GABBR2: variants seen among roughly 807,000 people sequenced by gnomAD.
The protein encoded by GABBR2 is gamma-aminobutyric acid type B receptor subunit 2, also known as G-protein coupled receptor 51.
In GABBR2, 23 loss-of-function variants were observed where a neutral mutation model predicts 105.6. The ratio of observed to expected loss-of-function variants is 0.22; its 90% confidence interval spans 0.16 to 0.31. GABBR2 has a LOEUF of 0.31. GABBR2 is among the 10% of genes least tolerant of loss of function. GABBR2 has a pLI of 1.00. For missense variants in GABBR2, 734 were observed against 1,245.5 expected (o/e 0.59, Z 6.18); for synonymous variants, 478 against 499.7 (o/e 0.96, Z 0.58).
At chr9:98,447,440 T>A (rs78945021) in intron 7 of GABBR2, among the ~76,000 whole-genome samples, 13,197 of 151,862 alleles carry the variant, frequency 0.087, 716 homozygotes, top group South Asian at 0.23. Context: ...GGCCTGAAGT[T>A]TAGTCTCTAC....
At chr9:98,559,174 G>C (rs1172222968) in intron 2 of GABBR2, among the ~76,000 whole-genome samples, 2 of 151,928 alleles carry the variant, frequency 1.3e-5, no homozygotes, top group African/African-American at 4.8e-5. Flanking sequence ...CTGTTGCCCA[G>C]GCTGAAGTGC....
chr9:98,556,581 C>G lies in GABBR2; in HGVS notation c.460-14538G>C, dbSNP rs533246668. Among the ~76,000 whole-genome samples, 60 of 152,220 alleles carry G rather than the reference C, an allele frequency of 3.9e-4. 2 individuals are homozygous for G. The South Asian group carries it at 0.012, about 31-fold the overall frequency. ...AGTGGCTGGGGCGGGGCTGGGGTTG[C>G]GCATGGGCAAGAGCACCCGGAAGTG... is the stretch of plus-strand genomic sequence containing the variant. On this transcript the variant is annotated intron_variant, in intron 2 of 18. Coordinates refer to ENST00000259455, the MANE Select transcript of GABBR2 (RefSeq NM_005458.8).
At chr9:98,481,153 C>A (rs113399474) in intron 4 of GABBR2, among the ~76,000 whole-genome samples, 156 bp from the exon 5 acceptor site, 4 of 152,304 alleles carry the variant, frequency 2.6e-5, no homozygotes, top group African/African-American at 9.6e-5. Context: ...CCAACCCCAG[C>A]CCAGCCTGGA....
rs191970460 is a variant in GABBR2 at position 98,596,952 on chromosome 9, G to A, written c.322-18880C>T. On this transcript the variant is annotated intron_variant, in intron 1 of 18. Coordinates refer to ENST00000259455, the MANE Select transcript of GABBR2 (RefSeq NM_005458.8). ...AGGCAAGCACTGAGGGAGGCCAGGC[G>A]ACTACCTCGAAGCTTTGCATGAAAC... Among the ~76,000 whole-genome samples, 320 of 152,208 alleles carry A rather than the reference G, an allele frequency of 2.1e-3. 1 individual carries two copies. The highest frequency in any genetic ancestry group is 3.4e-3 in the Non-Finnish European group (234 of 67,998).
At chr9:98,566,833 A>G (rs1420696224) in intron 2 of GABBR2, among the ~76,000 whole-genome samples, 1 of 151,524 alleles carries the variant, frequency 6.6e-6, no homozygotes, top group African/African-American at 2.4e-5. Flanking sequence ...GCGACAAAGA[A>G]AAAGAAATAA....
intron 11 of GABBR2, among the ~76,000 whole-genome samples, chr9:98,385,207 A>G (rs1832049792): frequency 6.6e-6 from 1 of 152,094 alleles, no homozygotes; most frequent in Non-Finnish European, 1.5e-5. Context: ...TGGTAAGTCC[A>G]GTATCTTTAT....
At chr9:98,380,329 C>T (rs1199538915) in intron 11 of GABBR2, among the ~76,000 whole-genome samples, 1 of 152,220 alleles carries the variant, frequency 6.6e-6, no homozygotes, top group Admixed American at 6.5e-5. Flanking sequence ...CTAAGGTCCG[C>T]CTGGAGCCTC....
chr9:98,335,502 C>T (rs1831097773), intron 13 of GABBR2, among the ~76,000 whole-genome samples: 1 of 152,176 alleles, frequency 6.6e-6, no homozygotes, highest in Non-Finnish European at 1.5e-5. Flanking sequence ...CACACCAGAA[C>T]CCATGGCAAC....
chr9:98,608,022 C>T (rs1829454122), intron 1 of GABBR2: 9 of 1,294,708 alleles, frequency 7.0e-6, no homozygotes, highest in Middle Eastern at 1.8e-4. Flanking sequence ...AGAGGAAAAA[C>T]GTCATCAGTT....
chr9:98,422,867 T>A (rs1399294006), intron 7 of GABBR2, among the ~76,000 whole-genome samples: 4 of 150,830 alleles, frequency 2.7e-5, no homozygotes, highest in Non-Finnish European at 5.9e-5. Flanking sequence ...CGGTGTTTGG[T>A]TTTTTGTCCT....
At chr9:98,651,901 T>G (rs1830113034) in intron 1 of GABBR2, among the ~76,000 whole-genome samples, 1 of 152,194 alleles carries the variant, frequency 6.6e-6, no homozygotes, top group African/African-American at 2.4e-5. Context: ...TTAAAAGGTG[T>G]GATCATGGTT....
At chr9:98,413,192 T>A (rs1366736232) in intron 7 of GABBR2, among the ~76,000 whole-genome samples, 1 of 152,122 alleles carries the variant, frequency 6.6e-6, no homozygotes, top group Non-Finnish European at 1.5e-5. Flanking sequence ...GTGTGAGGGA[T>A]CCAAGCCCAT....
At chr9:98,648,094 T>TGA (rs1291220240) in intron 1 of GABBR2, among the ~76,000 whole-genome samples, 1 of 85,234 alleles carries the variant, frequency 1.2e-5, no homozygotes, top group Admixed American at 1.3e-4. Flanking sequence ...TGTGTGTGTG[T>TGA]GTGTGTGTGT....
intron 4 of GABBR2, among the ~76,000 whole-genome samples, chr9:98,494,132 C>T (rs80311365): frequency 1.4e-3 from 209 of 152,268 alleles, no homozygotes; most frequent in African/African-American, 4.6e-3. Flanking sequence ...TTACTGGTGA[C>T]GCCAGCAGCC....
At chr9:98,378,139 C>A (rs1267843068) in intron 11 of GABBR2, among the ~76,000 whole-genome samples, 1 of 152,200 alleles carries the variant, frequency 6.6e-6, no homozygotes, top group African/African-American at 2.4e-5. Context: ...TTAATTCCTA[C>A]CAGACTTGAA....
chr9:98,440,690 C>T (rs1017724894), intron 7 of GABBR2, among the ~76,000 whole-genome samples: 5 of 152,188 alleles, frequency 3.3e-5, no homozygotes, highest in Non-Finnish European at 7.3e-5. Flanking sequence ...TGGACACTTC[C>T]AAGTGTCCTT....
At chr9:98,553,343 C>T (rs1365019218) in intron 2 of GABBR2, among the ~76,000 whole-genome samples, 2 of 151,938 alleles carry the variant, frequency 1.3e-5, no homozygotes, top group East Asian at 3.9e-4. Context: ...CCTGTAATCC[C>T]AGCACTTTGG....
intron 13 of GABBR2, among the ~76,000 whole-genome samples, chr9:98,357,193 GAA>G (rs1019856641): frequency 6.6e-6 from 1 of 152,060 alleles, no homozygotes; most frequent in Admixed American, 6.5e-5. Flanking sequence ...TTCATCATTT[GAA>G]AAAATGTACC....
At chr9:98,581,324 A>C (rs1829000154) in intron 1 of GABBR2, 1 of 152,330 alleles carries the variant, frequency 6.6e-6, no homozygotes, top group South Asian at 2.1e-4. Context: ...AGTGACAAGG[A>C]TGAGGTGGCC....
Sources: allele counts gnomAD v4.1 joint callset (sites outside exome capture counted in the v4.1 genomes callset), GRCh38; gene constraint gnomAD v4.1.1; transcripts MANE v1.5; gene names NCBI Gene and HGNC (gene_info 2026-07-23, HGNC 2026-07-21).